The following ZNF560 variants were observed in gnomAD, a reference collection of about 807,000 sequenced individuals.
ZNF560 encodes the protein zinc finger protein 560.
In ZNF560, 54 loss-of-function variants were observed where a neutral mutation model predicts 81.8. The ratio of observed to expected loss-of-function variants is 0.66; its 90% confidence interval spans 0.53 to 0.83. ZNF560 has a LOEUF of 0.83. ZNF560 is among the 40% of genes least tolerant of loss of function. ZNF560 has a pLI of 0.00. For synonymous variants in ZNF560, 321 were observed against 317.9 expected, an observed-to-expected ratio of 1.01 and a Z score of -0.10; for missense variants, 940 against 932.4, an observed-to-expected ratio of 1.01 and a Z score of -0.11.
chr19:9,487,565 G>T (rs1306126446), intron 2 of ZNF560, among the ~76,000 whole-genome samples: 1 of 152,198 alleles, frequency 6.6e-6, no homozygotes, highest in African/African-American at 2.4e-5. Context: ...CCATGCAGGG[G>T]TCCATGCTGG....
Position 9,470,519 on chromosome 19 carries a change from C to CTAAACCATCAGACACATGCTGA in ZNF560, c.322-23_322-2dup, listed in dbSNP as rs2073105085. 6.2e-7 allele frequency: 1 copy of CTAAACCATCAGACACATGCTGA among 1,614,174 alleles called. No homozygotes were observed. The highest frequency in any genetic ancestry group is 8.5e-7 in the Non-Finnish European group (1 of 1,180,034). ...CCACACTGTCAAAGGTTACCAGGTC[C>CTAAACCATCAGACACATGCTGA]TAAACCATCAGACACATGCTGATTT... On this transcript the variant is annotated splice_acceptor_variant, in intron 6 of 9. Coordinates refer to ENST00000301480, the MANE Select transcript of ZNF560 (RefSeq NM_152476.3). LOFTEE classifies it high-confidence loss of function.
At chr19:9,476,524 T>A (rs2073204729) in intron 2 of ZNF560, among the ~76,000 whole-genome samples, 1 of 152,098 alleles carries the variant, frequency 6.6e-6, no homozygotes, top group African/African-American at 2.4e-5. Context: ...ACTCCTGACC[T>A]TGTGATCCAC....
intron 2 of ZNF560, among the ~76,000 whole-genome samples, chr19:9,479,206 T>G (rs1433122815): frequency 5.4e-5 from 8 of 148,660 alleles, no homozygotes; most frequent in African/African-American, 2.0e-4. Context: ...GAAAGAAAAC[T>G]ATTAACAAAA....
chr19:9,501,867 C>G (rs1467726644), upstream of ZNF560, among the ~76,000 whole-genome samples: 1 of 151,932 alleles, frequency 6.6e-6, no homozygotes, highest in Non-Finnish European at 1.5e-5. Flanking sequence ...AAAGTGTTCT[C>G]TCTGGCCAGG....
chr19:9,455,742 C>A, the ZNF560 span, among the ~76,000 whole-genome samples: 1 of 152,088 alleles, frequency 6.6e-6, no homozygotes, highest in African/African-American at 2.4e-5. Context: ...TGCTCTGTGA[C>A]CTGTTAGAGG....
At chr19:9,486,156 C>A (rs1039872836) in intron 2 of ZNF560, among the ~76,000 whole-genome samples, 3 of 152,174 alleles carry the variant, frequency 2.0e-5, no homozygotes, top group Non-Finnish European at 2.9e-5. Context: ...TTCACATGAA[C>A]ACATGACTCC....
At chr19:9,474,143 A>G (rs1316109285) in intron 4 of ZNF560, 56 bp downstream of exon 4, 35 of 1,604,012 alleles carry the variant, frequency 2.2e-5, no homozygotes, top group Non-Finnish European at 2.9e-5. Context: ...GAACACAGCA[A>G]GTACACAATG....
At chr19:9,495,059 TTC>T (rs2073535791) in intron 2 of ZNF560, among the ~76,000 whole-genome samples, 1 of 152,114 alleles carries the variant, frequency 6.6e-6, no homozygotes, top group Non-Finnish European at 1.5e-5. Context: ...TGGAAATACA[TTC>T]TGTTATAGGC....
chr19:9,460,804 A>G, the ZNF560 span, among the ~76,000 whole-genome samples: 1 of 152,192 alleles, frequency 6.6e-6, no homozygotes, highest in East Asian at 1.9e-4. Flanking sequence ...GAAAAAATGA[A>G]TGTACTCATT....
chr19:9,467,325 T>G lies in ZNF560; in HGVS notation c.1622A>C (p.Glu541Ala). The change falls in exon 10 of 10, where the codon GAG becomes GCG. Residue 541 changes from glutamate (E) to alanine (A), a missense_variant. Glu to Ala is a moderately radical substitution (Grantham distance 107). Transcript: ENST00000301480. ...ACATTTCTTACATTGATAGAGTCTC[T>G]CTTCTGTGTGAGTTCGCATGTGAAT... ...LRIHMRTHTE[E>A]RLYQCKKCGK... is the part of the protein sequence containing the mutation. 6.2e-7 allele frequency: 1 copy of G among 1,614,188 alleles called. No individual in the cohort carries two copies. The highest frequency in any genetic ancestry group is 8.5e-7 in the Non-Finnish European group (1 of 1,180,024).
chr19:9,481,952 C>T (rs1486653162), intron 2 of ZNF560, among the ~76,000 whole-genome samples: 1 of 152,166 alleles, frequency 6.6e-6, no homozygotes. Flanking sequence ...ATAAATCATG[C>T]TACTATAAAG....
downstream of ZNF560, among the ~76,000 whole-genome samples, chr19:9,465,431 C>A (rs1681905166): frequency 6.6e-6 from 1 of 152,170 alleles, no homozygotes; most frequent in Non-Finnish European, 1.5e-5. Flanking sequence ...AGCCACTGCG[C>A]CTGGCCAGCT....
chr19:9,487,803 G>A (rs2073409062), intron 2 of ZNF560, among the ~76,000 whole-genome samples: 1 of 152,188 alleles, frequency 6.6e-6, no homozygotes, highest in East Asian at 1.9e-4. Flanking sequence ...CTTGAGCAGG[G>A]AGCTCACAGC....
intron 5 of ZNF560, among the ~76,000 whole-genome samples, chr19:9,472,301 A>G (rs879696360): frequency 1.3e-5 from 2 of 152,022 alleles, no homozygotes; most frequent in Admixed American, 6.6e-5. Context: ...CTTGTTCTGA[A>G]TTCATGTGAG....
the ZNF560 span, among the ~76,000 whole-genome samples, chr19:9,456,133 C>T: frequency 6.6e-6 from 1 of 152,194 alleles, no homozygotes; most frequent in East Asian, 1.9e-4. Flanking sequence ...AGACCACTCC[C>T]TCACCCCTGT....
At position 9,467,373 on chromosome 19, in the gene ZNF560, A is replaced by G. The variant is rs2073042578; in HGVS notation, c.1574T>C (p.Phe525Ser). The change falls in exon 10 of 10, where the codon TTT (phenylalanine) becomes TCT (serine). Residue 525 changes from phenylalanine (F) to serine (S), a missense_variant. Physicochemically the swap from Phe to Ser is radical, Grantham distance 155. Coordinates refer to ENST00000301480, the MANE Select transcript of ZNF560 (RefSeq NM_152476.3). ...PFKCYKCGKP[F>S]TSSACLRIHM... Reference sequence around the variant, plus strand: ...AATACGAAGACAGGCAGAAGAGGTAAATGGTTTCCCACATTTGTAACACTT... The same window carrying G: ...AATACGAAGACAGGCAGAAGAGGTAGATGGTTTCCCACATTTGTAACACTT... 1.2e-6 allele frequency: 2 copies of G among 1,614,140 alleles called. No individual in the cohort carries two copies. Among genetic ancestry groups the G allele is most frequent in the Non-Finnish European group, 1.7e-6 (2 of 1,180,032 alleles).
intron 2 of ZNF560, among the ~76,000 whole-genome samples, chr19:9,480,590 A>G (rs1199244433): frequency 6.6e-6 from 1 of 152,132 alleles, no homozygotes; most frequent in Non-Finnish European, 1.5e-5. Context: ...AAGATAAAGG[A>G]AACTAAAAGT....
intron 2 of ZNF560, among the ~76,000 whole-genome samples, chr19:9,482,115 TC>T (rs2073298990): frequency 6.6e-6 from 1 of 152,114 alleles, no homozygotes. Context: ...TGAGTTCATG[TC>T]CTTTGTAGGG....
chr19:9,480,454 A>G (rs1166247905), intron 2 of ZNF560, among the ~76,000 whole-genome samples: 1 of 152,014 alleles, frequency 6.6e-6, no homozygotes, highest in East Asian at 1.9e-4. Flanking sequence ...GAAAATCACA[A>G]GTAAACACCC....
Sources: allele counts gnomAD v4.1 joint callset (sites outside exome capture counted in the v4.1 genomes callset), GRCh38; gene constraint gnomAD v4.1.1; transcripts MANE v1.5; gene names NCBI Gene and HGNC (gene_info 2026-07-23, HGNC 2026-07-21).